The following CTNNBL1 variants were observed in gnomAD, a reference collection of about 807,000 sequenced individuals.
CTNNBL1 encodes beta-catenin-like protein 1.
In CTNNBL1, 31 loss-of-function variants were observed where a neutral mutation model predicts 72.7. The observed-to-expected ratio is 0.43, with a 90% CI of 0.32 to 0.58. CTNNBL1 has a LOEUF of 0.58. Ranked by LOEUF, CTNNBL1 falls within the 20% of genes least tolerant of loss-of-function variation. The pLI is 0.08. For missense variants in CTNNBL1, 534 were observed against 725.1 expected (o/e 0.74, Z 3.03); for synonymous variants, 240 against 267.3 (o/e 0.90, Z 1.00).
intron 1 of CTNNBL1, among the ~76,000 whole-genome samples, chr20:37,707,175 GA>G (rs1340639718): frequency 6.6e-6 from 1 of 152,176 alleles, no homozygotes; most frequent in Non-Finnish European, 1.5e-5. Flanking sequence ...AATGCTAAAT[GA>G]GCATTGGCTT....
intron 10 of CTNNBL1, among the ~76,000 whole-genome samples, chr20:37,802,137 A>C (rs1027295416): frequency 6.6e-6 from 1 of 152,236 alleles, no homozygotes; most frequent in Non-Finnish European, 1.5e-5. Flanking sequence ...TTCAACTGAT[A>C]AATGGACCAA....
chr20:37,723,766 T>C (rs563721625), intron 1 of CTNNBL1, among the ~76,000 whole-genome samples: 21 of 152,234 alleles, frequency 1.4e-4, no homozygotes, highest in Admixed American at 7.9e-4. Flanking sequence ...TGGAATTTTC[T>C]GTCTCTGATT....
intron 10 of CTNNBL1, among the ~76,000 whole-genome samples, chr20:37,796,351 C>A (rs1184298031): frequency 6.6e-6 from 1 of 152,094 alleles, no homozygotes; most frequent in African/African-American, 2.4e-5. Context: ...CTCCTCCCTT[C>A]TCTGAGGCCT....
At chr20:37,702,432 G>A (rs542201088) in intron 1 of CTNNBL1, among the ~76,000 whole-genome samples, 107 of 152,250 alleles carry the variant, frequency 7.0e-4, no homozygotes, top group Non-Finnish European at 1.0e-4. Context: ...CTGAAAACTG[G>A]TGCTCAGATA....
intron 7 of CTNNBL1, among the ~76,000 whole-genome samples, chr20:37,773,660 A>G (rs1048876150): frequency 1.3e-5 from 2 of 152,202 alleles, no homozygotes; most frequent in Admixed American, 6.5e-5. Context: ...CAGAAATAAA[A>G]TATGCTTTGT....
chr20:37,746,599 A>G lies in CTNNBL1; in HGVS notation c.458A>G (p.Asp153Gly). 2 of 1,614,056 alleles carry G rather than the reference A, an allele frequency of 1.2e-6. No homozygotes were observed. The highest frequency in any genetic ancestry group is 1.7e-6 in the Non-Finnish European group (2 of 1,179,942). ...TCGCTTCTCGGCTTGCTCGGACACG[A>G]TAATACAGATATCCTTTCAGATCTG... ...VQSLLGLLGH[D>G]NTDVSIAVVD... Residue 153 changes from aspartate (D) to glycine (G), a missense_variant, in exon 4 of 16, where the codon GAT (aspartate) becomes GGT (glycine). Physicochemically the swap from Asp to Gly is moderately conservative, Grantham distance 94 (BLOSUM62 -1). Coordinates refer to ENST00000361383, the MANE Select transcript of CTNNBL1 (RefSeq NM_030877.5).
intron 10 of CTNNBL1, 64 bp from the exon 11 acceptor site, chr20:37,802,800 CTTT>C: frequency 3.9e-6 from 4 of 1,037,912 alleles, no homozygotes; most frequent in Non-Finnish European, 4.1e-6. Flanking sequence ...AGCAAATACC[CTTT>C]TTTTTTTTTA....
At chr20:37,869,921 T>C (rs71351549) in intron 15 of CTNNBL1, among the ~76,000 whole-genome samples, 3 of 145,802 alleles carry the variant, frequency 2.1e-5, no homozygotes, top group Non-Finnish European at 3.0e-5. Flanking sequence ...CACCCCATCC[T>C]CCCCCTTCCC....
At chr20:37,827,682 G>C (rs922160855) in intron 11 of CTNNBL1, among the ~76,000 whole-genome samples, 2 of 152,212 alleles carry the variant, frequency 1.3e-5, no homozygotes, top group Admixed American at 1.3e-4. Context: ...GGGTGCAGGA[G>C]ATTGTGCTTG....
At chr20:37,794,183 G>A (rs551268043) in intron 10 of CTNNBL1, among the ~76,000 whole-genome samples, 2 of 152,216 alleles carry the variant, frequency 1.3e-5, no homozygotes, top group Admixed American at 1.3e-4. Flanking sequence ...ATTCCTTTGT[G>A]TAGATCCAGA....
intron 11 of CTNNBL1, among the ~76,000 whole-genome samples, chr20:37,838,511 T>C (rs1297544915): frequency 4.6e-5 from 7 of 152,196 alleles, no homozygotes; most frequent in Non-Finnish European, 4.4e-5. Context: ...AACTGGAGAT[T>C]CTGGTTGCCA....
chr20:37,761,644 G>T (rs2073418464), intron 5 of CTNNBL1, among the ~76,000 whole-genome samples: 2 of 152,250 alleles, frequency 1.3e-5, no homozygotes, highest in Admixed American at 1.3e-4. Context: ...GCCTGACAAA[G>T]CCTCTGCTTT....
At chr20:37,804,896 G>T (rs1394814795) in intron 11 of CTNNBL1, among the ~76,000 whole-genome samples, 2 of 152,346 alleles carry the variant, frequency 1.3e-5, no homozygotes, top group Non-Finnish European at 2.9e-5. Context: ...TTATGTTAGT[G>T]AGGGCAATGG....
At chr20:37,825,633 C>T (rs903133585) in intron 11 of CTNNBL1, among the ~76,000 whole-genome samples, 2 of 152,132 alleles carry the variant, frequency 1.3e-5, no homozygotes, top group African/African-American at 4.8e-5. Flanking sequence ...CGAGATCGTG[C>T]CATTGCACTC....
intron 1 of CTNNBL1, among the ~76,000 whole-genome samples, chr20:37,705,305 T>A (rs1329114930): frequency 6.6e-6 from 1 of 152,174 alleles, no homozygotes; most frequent in East Asian, 1.9e-4. Context: ...AAATTTCTGC[T>A]TTACCATCTT....
At chr20:37,828,956 T>C (rs960572413) in intron 11 of CTNNBL1, among the ~76,000 whole-genome samples, 1 of 152,162 alleles carries the variant, frequency 6.6e-6, no homozygotes, top group African/African-American at 2.4e-5. Flanking sequence ...TGACAGGGCC[T>C]CCTGCTACTT....
intron 11 of CTNNBL1, among the ~76,000 whole-genome samples, chr20:37,810,583 C>G (rs1258692745): frequency 6.6e-6 from 1 of 152,186 alleles, no homozygotes; most frequent in African/African-American, 2.4e-5. Flanking sequence ...AATACTGACT[C>G]CAGACTTCAC....
intron 10 of CTNNBL1, among the ~76,000 whole-genome samples, chr20:37,780,892 C>T (rs1790840828): frequency 6.6e-6 from 1 of 152,112 alleles, no homozygotes; most frequent in Admixed American, 6.5e-5. Flanking sequence ...ATTTCCAAGT[C>T]TATCTATGAT....
At chr20:37,791,607 G>T (rs2073726514) in intron 10 of CTNNBL1, among the ~76,000 whole-genome samples, 1 of 152,082 alleles carries the variant, frequency 6.6e-6, no homozygotes, top group Admixed American at 6.5e-5. Context: ...GTTTATATCA[G>T]AGGTTACCCC....
Sources: allele counts gnomAD v4.1 joint callset (sites outside exome capture counted in the v4.1 genomes callset), GRCh38; gene constraint gnomAD v4.1.1; transcripts MANE v1.5; gene names NCBI Gene and HGNC (gene_info 2026-07-23, HGNC 2026-07-21).